DPH6: variants seen among roughly 807,000 people sequenced by gnomAD.
The protein encoded by DPH6 is diphthine--ammonia ligase.
DPH6 carries 33 observed loss-of-function variants against 38.2 expected under a neutral mutation model. The ratio of observed to expected loss-of-function variants is 0.86; its 90% confidence interval spans 0.65 to 1.15. The LOEUF (loss-of-function observed/expected upper bound fraction) is 1.15. Among genes scored for constraint, DPH6 ranks in the 50% most tolerant of loss-of-function variants. The pLI, the probability that DPH6 is intolerant of heterozygous loss-of-function variation, is 0.00. For synonymous variants in DPH6, 108 were observed against 103.0 expected (o/e 1.05, Z -0.30); for missense variants, 325 against 320.0 (o/e 1.02, Z -0.12).
At chr15:35,282,617 G>C (rs566974685) in intron 3 of DPH6, 106 of 398,142 alleles carry the variant, frequency 2.7e-4, no homozygotes, top group Non-Finnish European at 5.4e-4. Flanking sequence ...GCCAATCTGG[G>C]AGCAGATTGG....
chr15:35,276,744 A>G (rs2051861727), intron 3 of DPH6, among the ~76,000 whole-genome samples: 2 of 152,066 alleles, frequency 1.3e-5, no homozygotes, highest in South Asian at 4.1e-4. Context: ...ATTTGGCTGT[A>G]CTTGGATTTA....
intron 3 of DPH6, among the ~76,000 whole-genome samples, chr15:35,235,821 T>C (rs1223584041): frequency 1.3e-5 from 2 of 152,224 alleles, no homozygotes; most frequent in African/African-American, 4.8e-5. Context: ...TGTGGTAGAT[T>C]TGCTATCTGA....
Position 35,467,566 on chromosome 15 carries a change from G to C in DPH6, c.313-12746C>G, listed in dbSNP as rs139302867. On this transcript the variant is annotated intron_variant, in intron 3 of 8. Transcript: ENST00000256538. Reference sequence around the variant, plus strand: ...TGGCAACAGGGTGAGACTCCATCTCGAACAAACAAAGAAACAAAACAAACA... The same window carrying C: ...TGGCAACAGGGTGAGACTCCATCTCCAACAAACAAAGAAACAAAACAAACA... Among the ~76,000 whole-genome samples the C allele has an allele frequency of 6.8e-3, 1,040 of 151,988 alleles. 4 individuals carry two copies. The highest frequency in any genetic ancestry group is 0.011 in the Non-Finnish European group (732 of 67,964).
At chr15:35,458,809 T>C (rs1158928060) in intron 3 of DPH6, among the ~76,000 whole-genome samples, 1 of 152,218 alleles carries the variant, frequency 6.6e-6, no homozygotes, top group Non-Finnish European at 1.5e-5. Flanking sequence ...TACAATCAAC[T>C]GCATACAGTT....
At chr15:35,177,994 A>AT in the DPH6 span, among the ~76,000 whole-genome samples, 1 of 152,148 alleles carries the variant, frequency 6.6e-6, no homozygotes, top group East Asian at 1.9e-4. Context: ...TATTTATGGG[A>AT]TATAATTTGA....
chr15:35,256,361 T>A (rs1459476101), intron 3 of DPH6, among the ~76,000 whole-genome samples: 1 of 152,210 alleles, frequency 6.6e-6, no homozygotes, highest in African/African-American at 2.4e-5. Flanking sequence ...GTAGTACTAG[T>A]CAGATACTTT....
chr15:35,272,147 C>T (rs902720330), intron 3 of DPH6, among the ~76,000 whole-genome samples: 6 of 151,352 alleles, frequency 4.0e-5, no homozygotes, highest in African/African-American at 1.5e-4. Context: ...AATAAAAAAA[C>T]ACAAAAAACC....
chr15:35,149,049 A>G, the DPH6 span, among the ~76,000 whole-genome samples: 5 of 151,640 alleles, frequency 3.3e-5, no homozygotes, highest in African/African-American at 1.2e-4. Flanking sequence ...TTCCCTCCCC[A>G]CAGTATCTAA....
intron 3 of DPH6, chr15:35,282,790 G>T (rs1474101304): frequency 1.2e-5 from 4 of 343,708 alleles, no homozygotes; most frequent in South Asian, 3.1e-5. Flanking sequence ...AAAAAATCCA[G>T]CACAGCATCA....
At chr15:35,346,221 G>T (rs138154564) in intron 3 of DPH6, among the ~76,000 whole-genome samples, 5 of 151,948 alleles carry the variant, frequency 3.3e-5, no homozygotes, top group African/African-American at 1.2e-4. Flanking sequence ...CTGTTTTCTG[G>T]GAAAAATGTC....
rs559499105 is a variant in DPH6 at position 35,509,019 on chromosome 15, T to C, written c.312+29255A>G. Among the ~76,000 whole-genome samples, 327 of 152,338 alleles carry C rather than the reference T, an allele frequency of 2.1e-3. 2 individuals carry two copies. The highest frequency in any genetic ancestry group is 7.6e-3 in the African/African-American group (317 of 41,598). The stretch of plus-strand genomic sequence containing the variant: ...GGCTTTGGCTTTCAGATTTTGTTTG[T>C]ATGTTTGTTTCATTTTTATGAAGAG... On this transcript the variant is annotated intron_variant, in intron 3 of 8. Coordinates refer to ENST00000256538, the MANE Select transcript of DPH6 (RefSeq NM_080650.4).
At chr15:35,388,267 C>T (rs1453352226) in intron 6 of DPH6, among the ~76,000 whole-genome samples, 1 of 152,138 alleles carries the variant, frequency 6.6e-6, no homozygotes, top group Admixed American at 6.5e-5. Flanking sequence ...AGGATTTTTG[C>T]ATCAATGTTC....
chr15:35,375,885 A>G (rs2140928427), intron 7 of DPH6, among the ~76,000 whole-genome samples: 1 of 152,122 alleles, frequency 6.6e-6, no homozygotes, highest in Non-Finnish European at 1.5e-5. Context: ...CCTCTCCTCT[A>G]AAAGGACAAC....
Position 35,400,976 on chromosome 15 carries a change from A to T in DPH6, c.567+9859T>A, listed in dbSNP as rs1358947062. The T allele has an allele frequency of 5.1e-5, 51 of 992,146 alleles. 1 individual carries two copies. The Middle Eastern group carries it at 1.2e-3, about 24-fold the overall frequency. The allele number at this position is 992,146 out of a possible 1,614,324, so 61.5% of individuals were successfully genotyped here. A position where few individuals can be genotyped will look rare whatever the true frequency, so the allele number is the denominator to read the frequency against. On this transcript the variant is annotated intron_variant, in intron 6 of 8. Transcript: ENST00000256538. The stretch of plus-strand genomic sequence containing the variant: ...GAGCTGTCTAAGAAGATTCTCAAAG[A>T]CCAGGTGCCCACTCAACTGTGAAAA...
At chr15:35,416,921 C>T (rs1231685642) in intron 5 of DPH6, among the ~76,000 whole-genome samples, 1 of 152,020 alleles carries the variant, frequency 6.6e-6, no homozygotes, top group African/African-American at 2.4e-5. Flanking sequence ...TCATCTGAAA[C>T]TATTATGCAC....
chr15:35,381,213 G>C (rs1369208822), intron 7 of DPH6, among the ~76,000 whole-genome samples: 1 of 152,120 alleles, frequency 6.6e-6, no homozygotes, highest in East Asian at 1.9e-4. Context: ...CATATAAAGA[G>C]AGCAACATAA....
intron 3 of DPH6, among the ~76,000 whole-genome samples, chr15:35,242,770 T>C (rs1022043397): frequency 7.0e-6 from 1 of 142,526 alleles, no homozygotes; most frequent in East Asian, 2.2e-4. Context: ...TAGACGCTCC[T>C]TTTTATTAGG....
chr15:35,544,364 T>A (rs2055310907), intron 1 of DPH6, among the ~76,000 whole-genome samples: 1 of 147,784 alleles, frequency 6.8e-6, no homozygotes, highest in Non-Finnish European at 1.5e-5. Context: ...GGTTTGGGGG[T>A]TAGGGGAGGG....
rs189427862 is a variant in DPH6 at position 35,312,240 on chromosome 15, A to G, written n.200+61281T>C. Among the ~76,000 whole-genome samples, 787 of 152,338 alleles carry G rather than the reference A, an allele frequency of 5.2e-3. 4 individuals carry two copies. The highest frequency in any genetic ancestry group is 0.018 in the African/African-American group (755 of 41,576). ...AGATAAATGAGCTGAAGAATAAGAA[A>G]TTATTTGCTGAATGATTTGTACAAT... On this transcript the variant is annotated intron_variant and non_coding_transcript_variant, in intron 3 of 3. Coordinates refer to the DPH6 transcript ENST00000560386.
Sources: gnomAD v4.1 joint callset for allele counts (sites outside exome capture counted in the v4.1 genomes callset) on GRCh38, gnomAD v4.1.1 for gene constraint, MANE v1.5 for transcripts, NCBI Gene and HGNC (gene_info 2026-07-23, HGNC 2026-07-21) for gene names.